Variants in PBX3 observed in about 807,000 individuals in gnomAD.
The protein encoded by PBX3 is pre-B-cell leukemia transcription factor 3.
A neutral mutation model predicts 48.5 loss-of-function variants in PBX3; 14 were observed. The ratio of observed to expected loss-of-function variants is 0.29; its 90% CI spans 0.19 to 0.45. The LOEUF is 0.45. Ranked by LOEUF, PBX3 falls within the 20% of genes least tolerant of loss-of-function variation. The pLI is 1.00. For missense variants in PBX3, 386 were observed against 546.7 expected, an observed-to-expected ratio of 0.71 and a Z score of 2.93; for synonymous variants, 210 against 200.3, an observed-to-expected ratio of 1.05 and a Z score of -0.41.
intron 2 of PBX3, among the ~76,000 whole-genome samples, chr9:125,822,050 CT>C (rs1838667669): frequency 6.6e-6 from 1 of 151,974 alleles, no homozygotes; most frequent in Non-Finnish European, 1.5e-5. Flanking sequence ...GTGGAATTTA[CT>C]TTCTGTCAGG....
At chr9:125,960,925 A>G in intron 6 of PBX3, 76 bp downstream of exon 6, 1 of 1,471,292 alleles carries the variant, frequency 6.8e-7, no homozygotes, top group Middle Eastern at 2.2e-4. Context: ...AGGCCAGGAA[A>G]CAAGAGCCAT....
At chr9:125,952,640 C>CA (rs1351625366) in intron 5 of PBX3, among the ~76,000 whole-genome samples, 1 of 152,148 alleles carries the variant, frequency 6.6e-6, no homozygotes, top group South Asian at 2.1e-4. Flanking sequence ...TCAAACCTAT[C>CA]AACCATGCCC....
chr9:125,752,297 G>T (rs1836396865), intron 2 of PBX3, among the ~76,000 whole-genome samples: 1 of 152,166 alleles, frequency 6.6e-6, no homozygotes, highest in South Asian at 2.1e-4. Context: ...ACTGCAGGAG[G>T]TGTCCGCAGG....
chr9:125,840,729 G>A (rs901971853), intron 2 of PBX3, among the ~76,000 whole-genome samples: 6 of 151,952 alleles, frequency 3.9e-5, no homozygotes, highest in African/African-American at 1.4e-4. Context: ...ATATATATGA[G>A]TAGGGTGAAG....
chr9:125,909,972 C>T (rs1174476653), intron 2 of PBX3, among the ~76,000 whole-genome samples: 1 of 152,094 alleles, frequency 6.6e-6, no homozygotes, highest in Non-Finnish European at 1.5e-5. Flanking sequence ...AGGCATTCTG[C>T]CAACAGCTTT....
At chr9:125,832,544 G>C (rs1421060872) in intron 2 of PBX3, among the ~76,000 whole-genome samples, 2 of 152,180 alleles carry the variant, frequency 1.3e-5, no homozygotes, top group African/African-American at 4.8e-5. Flanking sequence ...AAAACTTTCT[G>C]TGCAGTTTTT....
intron 2 of PBX3, among the ~76,000 whole-genome samples, chr9:125,752,234 G>A (rs1249589417): frequency 6.6e-6 from 1 of 152,098 alleles, no homozygotes; most frequent in African/African-American, 2.4e-5. Flanking sequence ...GCCTTTGTGA[G>A]GCTTATAAGT....
chr9:125,773,029 C>T (rs1399962558), intron 2 of PBX3, among the ~76,000 whole-genome samples: 1 of 152,156 alleles, frequency 6.6e-6, no homozygotes, highest in Non-Finnish European at 1.5e-5. Flanking sequence ...ATCATTGAGG[C>T]TTCAGTTCTG....
At chr9:125,797,641 T>C (rs768341579) in intron 2 of PBX3, among the ~76,000 whole-genome samples, 1 of 152,142 alleles carries the variant, frequency 6.6e-6, no homozygotes, top group Non-Finnish European at 1.5e-5. Flanking sequence ...CAAATTAACA[T>C]GTACATCATT....
chr9:125,921,924 A>C (rs945286356), intron 3 of PBX3, among the ~76,000 whole-genome samples: 1 of 152,176 alleles, frequency 6.6e-6, no homozygotes, highest in Non-Finnish European at 1.5e-5. Flanking sequence ...TGATGGTTAC[A>C]AAAGACCAAT....
chr9:125,928,673 G>A (rs975060647), intron 3 of PBX3, among the ~76,000 whole-genome samples: 2 of 151,998 alleles, frequency 1.3e-5, no homozygotes, highest in African/African-American at 4.8e-5. Flanking sequence ...CACTGTGTTA[G>A]CCAGGATGGT....
intron 5 of PBX3, among the ~76,000 whole-genome samples, chr9:125,950,245 A>G (rs1400324553): frequency 1.3e-5 from 2 of 152,198 alleles, no homozygotes; most frequent in African/African-American, 4.8e-5. Flanking sequence ...ATGAGCAGTT[A>G]TCAGTCTATC....
chr9:125,768,792 G>C (rs1306182977), intron 2 of PBX3, among the ~76,000 whole-genome samples: 1 of 152,152 alleles, frequency 6.6e-6, no homozygotes, highest in Non-Finnish European at 1.5e-5. Flanking sequence ...TAAGTGCTGG[G>C]AAGATTTCAT....
intron 2 of PBX3, among the ~76,000 whole-genome samples, chr9:125,879,779 AT>A (rs774491404): frequency 7.5e-4 from 114 of 152,124 alleles, no homozygotes; most frequent in Non-Finnish European, 3.4e-4. Flanking sequence ...AGTTATTTTT[AT>A]TTTTAATACC....
At chr9:125,785,968 T>A (rs1837447127) in intron 2 of PBX3, among the ~76,000 whole-genome samples, 1 of 152,072 alleles carries the variant, frequency 6.6e-6, no homozygotes, top group African/African-American at 2.4e-5. Context: ...AGTTCAGTGT[T>A]TACATGGTTG....
At chr9:125,912,594 G>T (rs1007371190) in intron 2 of PBX3, among the ~76,000 whole-genome samples, 6 of 152,092 alleles carry the variant, frequency 3.9e-5, no homozygotes, top group Non-Finnish European at 7.4e-5. Flanking sequence ...AAATCTTAGG[G>T]ATACGGAAAT....
At chr9:125,939,634 T>C (rs1841915245) in intron 5 of PBX3, among the ~76,000 whole-genome samples, 1 of 152,198 alleles carries the variant, frequency 6.6e-6, no homozygotes, top group Admixed American at 6.5e-5. Context: ...ACATTCATAG[T>C]AACATTGTTT....
In PBX3 at chr9:125,949,430, C is replaced by A. The variant is rs1396693398; in HGVS notation, c.844-11254C>A. The A allele has an allele frequency of 2.6e-6, 4 of 1,550,696 alleles. No homozygotes were observed. In the South Asian group the frequency reaches 4.8e-5, roughly 18 times the overall value. ...GGGAGCAAAGGTTCTGACATCCAGC[C>A]AACTAGCGTGGTAAGTATTCACAGG... On this transcript the variant is annotated intron_variant, in intron 5 of 8. Coordinates refer to ENST00000373489, the MANE Select transcript of PBX3 (RefSeq NM_006195.6).
chr9:125,878,869 T>C (rs972965449), intron 2 of PBX3, among the ~76,000 whole-genome samples: 1 of 152,176 alleles, frequency 6.6e-6, no homozygotes, highest in Non-Finnish European at 1.5e-5. Flanking sequence ...GATGTTGTTA[T>C]GTGATATTTT....
Sources: gnomAD v4.1 joint callset for allele counts (sites outside exome capture counted in the v4.1 genomes callset) on GRCh38, gnomAD v4.1.1 for gene constraint, MANE v1.5 for transcripts, NCBI Gene and HGNC (gene_info 2026-07-23, HGNC 2026-07-21) for gene names.